Variants in FAF1 observed in about 807,000 individuals in gnomAD.
FAF1 encodes Fas associated factor 1.
A neutral mutation model predicts 92.5 loss-of-function variants in FAF1; 25 were observed. The observed-to-expected ratio is 0.27, with a 90% CI of 0.20 to 0.38. The LOEUF (loss-of-function observed/expected upper bound fraction) is 0.38, where lower values mean the gene tolerates loss of function less well. Among genes scored for constraint, FAF1 ranks in the 10% least tolerant of loss-of-function variants. The pLI is 1.00. For missense variants in FAF1, 636 were observed against 793.3 expected (o/e 0.80, Z 2.38); for synonymous variants, 234 against 273.2 (o/e 0.86, Z 1.42).
At chr1:50,919,272 C>T (rs973981409) in intron 1 of FAF1, among the ~76,000 whole-genome samples, 2 of 151,540 alleles carry the variant, frequency 1.3e-5, no homozygotes, top group East Asian at 1.9e-4. Flanking sequence ...AAAACAGTAA[C>T]GGTTTTCATG....
chr1:50,555,936 ATAT>A (rs1348588095), intron 13 of FAF1, among the ~76,000 whole-genome samples: 4 of 152,016 alleles, frequency 2.6e-5, no homozygotes, highest in African/African-American at 7.2e-5. Context: ...AGGTGTGTGT[ATAT>A]ATACATGGTG....
chr1:50,724,061 T>G (rs1267598614), intron 6 of FAF1, among the ~76,000 whole-genome samples: 1 of 151,910 alleles, frequency 6.6e-6, no homozygotes, highest in Non-Finnish European at 1.5e-5. Context: ...AAACCCCATC[T>G]CTACAGAAAA....
intron 15 of FAF1, among the ~76,000 whole-genome samples, chr1:50,494,722 A>C (rs1258713223): frequency 1.3e-5 from 2 of 152,202 alleles, no homozygotes; most frequent in Non-Finnish European, 2.9e-5. Context: ...CAGGGGTAAA[A>C]GACTCTATTT....
intron 12 of FAF1, among the ~76,000 whole-genome samples, chr1:50,574,028 C>G (rs1172775830): frequency 1.3e-5 from 2 of 152,032 alleles, no homozygotes; most frequent in South Asian, 4.2e-4. Context: ...ACTTGGGAGG[C>G]TGAGGTAGAA....
At chr1:50,573,820 A>C (rs908942135) in intron 12 of FAF1, among the ~76,000 whole-genome samples, 1 of 138,686 alleles carries the variant, frequency 7.2e-6, no homozygotes, top group East Asian at 1.9e-4. Context: ...TTAAAAACAA[A>C]AAAAAAAAAA....
intron 1 of FAF1, among the ~76,000 whole-genome samples, chr1:50,952,310 G>A (rs374134767): frequency 2.0e-5 from 3 of 152,234 alleles, no homozygotes; most frequent in East Asian, 1.9e-4. Flanking sequence ...GGTTTTCGCC[G>A]TGTTGGCCGG....
intron 7 of FAF1, among the ~76,000 whole-genome samples, chr1:50,689,339 C>T (rs1656812453): frequency 6.6e-6 from 1 of 152,180 alleles, no homozygotes; most frequent in African/African-American, 2.4e-5. Context: ...AATCCCAGCA[C>T]TTTCAGAGGC....
At chr1:50,674,674 A>C (rs1178229679) in intron 7 of FAF1, among the ~76,000 whole-genome samples, 1 of 152,034 alleles carries the variant, frequency 6.6e-6, no homozygotes, top group Non-Finnish European at 1.5e-5. Flanking sequence ...GTAATAAGTA[A>C]ATTTGAGGTT....
At chr1:50,562,745 T>C (rs1649986912) in intron 13 of FAF1, among the ~76,000 whole-genome samples, 3 of 152,230 alleles carry the variant, frequency 2.0e-5, no homozygotes, top group African/African-American at 7.2e-5. Context: ...TGTGTCTTGT[T>C]CCACCTTTCA....
chr1:50,474,950 G>A (rs1049748413), intron 18 of FAF1, among the ~76,000 whole-genome samples: 2 of 152,194 alleles, frequency 1.3e-5, no homozygotes, highest in Non-Finnish European at 2.9e-5. Flanking sequence ...AATACTATGA[G>A]AGACTATCAA....
chr1:50,471,770 C>T (rs1452527457), intron 18 of FAF1, among the ~76,000 whole-genome samples: 1 of 152,066 alleles, frequency 6.6e-6, no homozygotes, highest in Non-Finnish European at 1.5e-5. Flanking sequence ...GCTTTCCAGT[C>T]ATTTTATAAA....
intron 1 of FAF1, among the ~76,000 whole-genome samples, chr1:50,875,330 T>C (rs1160443001): frequency 6.6e-6 from 1 of 152,222 alleles, no homozygotes; most frequent in African/African-American, 2.4e-5. Context: ...GAAATATGTA[T>C]ACATTGTAGA....
At chr1:50,653,036 A>C (rs1052046342) in intron 8 of FAF1, among the ~76,000 whole-genome samples, 11 of 152,212 alleles carry the variant, frequency 7.2e-5, no homozygotes, top group Non-Finnish European at 1.3e-4. Flanking sequence ...TTCTTAGACA[A>C]TACTGAGAAC....
intron 13 of FAF1, among the ~76,000 whole-genome samples, chr1:50,553,778 T>C (rs3789581): frequency 0.066 from 9,968 of 152,078 alleles, 401 homozygotes; most frequent in East Asian, 0.092. Context: ...AAGGTTATAA[T>C]GCTATAGAGA....
chr1:50,455,397 T>C (rs1054454374), intron 18 of FAF1, among the ~76,000 whole-genome samples: 3 of 152,220 alleles, frequency 2.0e-5, no homozygotes, highest in Admixed American at 1.3e-4. Flanking sequence ...ATGTGAAATA[T>C]TGTCAAAGCC....
chr1:50,606,464 A>G (rs184420030), intron 8 of FAF1, among the ~76,000 whole-genome samples: 11 of 134,394 alleles, frequency 8.2e-5, no homozygotes, highest in Admixed American at 4.4e-4. Flanking sequence ...ATTTTTGTTT[A>G]GATATATTGT....
chr1:50,595,937 G>A (rs377238427), intron 9 of FAF1, among the ~76,000 whole-genome samples, 184 bp downstream of exon 9: 138 of 152,258 alleles, frequency 9.1e-4, no homozygotes, highest in African/African-American at 3.0e-3. Flanking sequence ...CTAACAGAGC[G>A]AGAAGGAGCA....
intron 18 of FAF1, among the ~76,000 whole-genome samples, chr1:50,442,522 AAAGAT>A (rs1328148139): frequency 2.6e-5 from 4 of 152,242 alleles, no homozygotes; most frequent in Non-Finnish European, 5.9e-5. Context: ...GAGCAACTGT[AAAGAT>A]GGTGGACACA....
At position 50,560,903 on chromosome 1, in the gene FAF1, G is replaced by A. The variant is rs1499441; in HGVS notation, c.1268+6174C>T. On this transcript the variant is annotated intron_variant, in intron 13 of 18. Transcript: ENST00000396153. ...AAGCAACTTCAGCTAAGAATCCACAGCTCAGCCTGGAGGGCACAGCCTTTA... is the reference window on the plus strand; with the variant it reads ...AAGCAACTTCAGCTAAGAATCCACAACTCAGCCTGGAGGGCACAGCCTTTA... Among the ~76,000 whole-genome samples, 1,521 of 152,346 alleles carry A rather than the reference G, an allele frequency of 1.0e-2. 25 individuals carry two copies. Among genetic ancestry groups the A allele is most frequent in the African/African-American group, 0.035 (1,442 of 41,572 alleles).
Sources: allele counts gnomAD v4.1 joint callset (sites outside exome capture counted in the v4.1 genomes callset), GRCh38; gene constraint gnomAD v4.1.1; transcripts MANE v1.5; gene names NCBI Gene and HGNC (gene_info 2026-07-23, HGNC 2026-07-21).